The following LSM12 variants were observed in gnomAD, a reference collection of about 807,000 sequenced individuals.
LSM12 encodes the protein LSM12 homolog, also known as protein LSM12.
For missense variants in LSM12, 108 were observed against 238.9 expected (o/e 0.45, Z 3.61); for synonymous variants, 74 against 87.3 (o/e 0.85, Z 0.85).
chr17:44,063,159 C>G (rs2049822599), intron 2 of LSM12, among the ~76,000 whole-genome samples: 1 of 152,078 alleles, frequency 6.6e-6, no homozygotes, highest in African/African-American at 2.4e-5. Flanking sequence ...ACTCAGAAGG[C>G]CGAGGCAGGA....
intron 1 of LSM12, among the ~76,000 whole-genome samples, chr17:44,065,025 C>T (rs1353630601): frequency 2.6e-5 from 4 of 151,852 alleles, no homozygotes; most frequent in East Asian, 3.9e-4. Flanking sequence ...CCCAGCTACT[C>T]GGGAGGCTGA....
intron 2 of LSM12, among the ~76,000 whole-genome samples, chr17:44,046,683 C>A (rs2049570934): frequency 7.2e-6 from 1 of 138,018 alleles, no homozygotes; most frequent in Admixed American, 7.6e-5. Flanking sequence ...GCACTCCAGC[C>A]TGGGCAACAG....
intron 4 of LSM12, among the ~76,000 whole-genome samples, chr17:44,036,626 GGGAA>G (rs1450363500): frequency 2.6e-5 from 4 of 152,208 alleles, no homozygotes; most frequent in African/African-American, 9.6e-5. Context: ...AAGCTGCTGG[GGGAA>G]TTACAGTCTT....
chr17:44,051,258 G>A (rs907553477), intron 2 of LSM12, among the ~76,000 whole-genome samples: 6 of 152,000 alleles, frequency 3.9e-5, no homozygotes, highest in African/African-American at 1.4e-4. Context: ...TTAGCCAGGC[G>A]TGATGGCGGG....
Position 44,036,317 on chromosome 17 carries a change from A to C in LSM12, c.496-17T>G. On this transcript the variant is annotated splice_polypyrimidine_tract_variant and intron_variant, in intron 4 of 4. Coordinates refer to ENST00000293406, the MANE Select transcript of LSM12 (RefSeq NM_001371445.1). ...TTTTTCAACCTGAAAAAGACCAGGC[A>C]ACCCAGGTCAACAAAGGAGATGCGG... The C allele has an allele frequency of 6.2e-7, 1 of 1,614,040 alleles. No individual in the cohort carries two copies. The highest frequency in any genetic ancestry group is 1.1e-5 in the South Asian group (1 of 91,082).
intron 3 of LSM12, among the ~76,000 whole-genome samples, chr17:44,038,341 G>GT (rs1207389448): frequency 7.6e-5 from 11 of 145,614 alleles, no homozygotes; most frequent in African/African-American, 2.8e-4. Context: ...GGCAATAAAA[G>GT]TGAGACCCTG....
intron 2 of LSM12, among the ~76,000 whole-genome samples, chr17:44,058,296 T>C (rs2049747709): frequency 6.6e-6 from 1 of 151,910 alleles, no homozygotes; most frequent in Non-Finnish European, 1.5e-5. Flanking sequence ...TTAACTAACA[T>C]CTGCCAAGTC....
At chr17:44,055,688 T>A (rs1359255921) in intron 2 of LSM12, among the ~76,000 whole-genome samples, 4 of 143,238 alleles carry the variant, frequency 2.8e-5, no homozygotes, top group African/African-American at 5.2e-5. Context: ...TATATATATA[T>A]AAAATATATA....
At chr17:44,048,870 A>T (rs980212712) in intron 2 of LSM12, among the ~76,000 whole-genome samples, 44 of 152,136 alleles carry the variant, frequency 2.9e-4, no homozygotes, top group African/African-American at 9.9e-4. Flanking sequence ...AAGTATATGC[A>T]TTCGATATCA....
At chr17:44,066,361 C>T (rs1196377008) in intron 1 of LSM12, 103 bp downstream of exon 1, 2 of 1,440,608 alleles carry the variant, frequency 1.4e-6, no homozygotes. Flanking sequence ...AGCCGGTCGC[C>T]CCTAGGCCCG....
chr17:44,039,450 C>G (rs1427118856), intron 3 of LSM12, among the ~76,000 whole-genome samples: 1 of 132,778 alleles, frequency 7.5e-6, no homozygotes, highest in Admixed American at 8.6e-5. Context: ...GGCGCAATCT[C>G]GGCTCACTGC....
At chr17:44,041,369 G>A (rs1211240477) in intron 2 of LSM12, among the ~76,000 whole-genome samples, 1 of 143,058 alleles carries the variant, frequency 7.0e-6, no homozygotes. Context: ...CATTCAAGGC[G>A]AAAATTAAGA....
rs534915683 is a variant in LSM12 at position 44,053,958 on chromosome 17, C to A, written c.258+9843G>T. On this transcript the variant is annotated intron_variant, in intron 2 of 4. Coordinates refer to ENST00000293406, the MANE Select transcript of LSM12 (RefSeq NM_001371445.1). ...TGGAGGAATTACCACCACTGACCCACCCTAATGTCCTTGTTTTGAACTGTC... is the reference window on the plus strand; with the variant it reads ...TGGAGGAATTACCACCACTGACCCAACCTAATGTCCTTGTTTTGAACTGTC... Among the ~76,000 whole-genome samples the A allele has an allele frequency of 2.6e-5, 4 of 152,294 alleles. No individual in the cohort carries two copies. In the South Asian group the frequency reaches 8.3e-4, roughly 32 times the overall value.
chr17:44,058,682 A>G (rs1345021895), intron 2 of LSM12, among the ~76,000 whole-genome samples: 1 of 152,018 alleles, frequency 6.6e-6, no homozygotes, highest in African/African-American at 2.4e-5. Context: ...GATACAAAAA[A>G]TTAGCCAGGC....
intron 2 of LSM12, among the ~76,000 whole-genome samples, chr17:44,043,248 C>G (rs551500216): frequency 2.0e-5 from 3 of 152,314 alleles, no homozygotes; most frequent in African/African-American, 7.2e-5. Context: ...TGGCAAAACC[C>G]TGCAGTGATC....
At chr17:44,044,325 G>A (rs1229023747) in intron 2 of LSM12, among the ~76,000 whole-genome samples, 1 of 152,108 alleles carries the variant, frequency 6.6e-6, no homozygotes, top group Non-Finnish European at 1.5e-5. Flanking sequence ...ATAGAACAAT[G>A]ATTTCAAAAT....
At chr17:44,039,051 C>T (rs2049452690) in intron 3 of LSM12, among the ~76,000 whole-genome samples, 1 of 152,050 alleles carries the variant, frequency 6.6e-6, no homozygotes, top group South Asian at 2.1e-4. Flanking sequence ...ATGACTTCTG[C>T]TGTGACAAAA....
At chr17:44,057,036 C>G (rs1036903914) in intron 2 of LSM12, among the ~76,000 whole-genome samples, 5 of 150,878 alleles carry the variant, frequency 3.3e-5, no homozygotes, top group African/African-American at 2.4e-5. Flanking sequence ...CGCACCTGTA[C>G]TCCCAGCTAC....
intron 2 of LSM12, among the ~76,000 whole-genome samples, chr17:44,047,663 A>C (rs2049587824): frequency 6.6e-6 from 1 of 151,938 alleles, no homozygotes; most frequent in African/African-American, 2.4e-5. Flanking sequence ...CCTTGGCTAA[A>C]GCAATCCTCC....
Sources: allele counts gnomAD v4.1 joint callset (sites outside exome capture counted in the v4.1 genomes callset), GRCh38; gene constraint gnomAD v4.1.1; transcripts MANE v1.5; gene names NCBI Gene and HGNC (gene_info 2026-07-23, HGNC 2026-07-21).